Variants in PDE1C observed in about 807,000 individuals in gnomAD.
PDE1C encodes the protein dual specificity calcium/calmodulin-dependent 3',5'-cyclic nucleotide phosphodiesterase 1C.
In PDE1C, 62 loss-of-function variants were observed where a neutral mutation model predicts 93.1. That is an observed-to-expected ratio of 0.67 (90% confidence interval 0.54 to 0.82). The LOEUF (loss-of-function observed/expected upper bound fraction) is 0.82. PDE1C is among the 40% of genes least tolerant of loss of function. The pLI, the probability that PDE1C is intolerant of heterozygous loss-of-function variation, is 0.00. For missense variants in PDE1C, 742 were observed against 884.6 expected (o/e 0.84, Z 2.04); for synonymous variants, 325 against 310.1 (o/e 1.05, Z -0.50).
At chr7:32,019,850 A>T (rs1439101577) in intron 2 of PDE1C, among the ~76,000 whole-genome samples, 1 of 152,158 alleles carries the variant, frequency 6.6e-6, no homozygotes, top group Non-Finnish European at 1.5e-5. Context: ...AACCTGGAAT[A>T]AAAAGTTTTA....
chr7:32,204,453 G>C (rs1463182655), intron 2 of PDE1C, among the ~76,000 whole-genome samples: 1 of 152,192 alleles, frequency 6.6e-6, no homozygotes, highest in Non-Finnish European at 1.5e-5. Context: ...AGCCACAAGA[G>C]CTCTGTGGGC....
intron 1 of PDE1C, among the ~76,000 whole-genome samples, chr7:32,274,399 G>T (rs1318445332): frequency 2.1e-5 from 3 of 143,472 alleles, no homozygotes; most frequent in Non-Finnish European, 3.0e-5. Flanking sequence ...TTAAGAAATA[G>T]GTTCTCCATA....
intron 2 of PDE1C, among the ~76,000 whole-genome samples, chr7:31,994,041 T>C (rs1784439473): frequency 6.6e-6 from 1 of 152,134 alleles, no homozygotes; most frequent in African/African-American, 2.4e-5. Context: ...TGAATCAGTG[T>C]TGGAGTCTAA....
intron 2 of PDE1C, among the ~76,000 whole-genome samples, chr7:32,043,760 T>A (rs1253491609): frequency 1.3e-5 from 2 of 152,038 alleles, no homozygotes; most frequent in African/African-American, 2.4e-5. Context: ...AAAGGCAGAG[T>A]CAATGATTTA....
chr7:31,625,523 C>CA, the PDE1C span, among the ~76,000 whole-genome samples: 3 of 151,692 alleles, frequency 2.0e-5, no homozygotes, highest in Admixed American at 6.6e-5. Context: ...ATTGCAAGAA[C>CA]AAAAAACCAG....
At chr7:31,728,200 G>T in the PDE1C span, among the ~76,000 whole-genome samples, 2 of 152,210 alleles carry the variant, frequency 1.3e-5, no homozygotes, top group African/African-American at 4.8e-5. Context: ...TCAGGCCACT[G>T]CGGACAAGGA....
At chr7:32,341,482 T>A (rs576556091) in intron 1 of PDE1C, among the ~76,000 whole-genome samples, 26 of 152,042 alleles carry the variant, frequency 1.7e-4, no homozygotes, top group Non-Finnish European at 3.1e-4. Flanking sequence ...GCCTATTTTT[T>A]AAAAAATCAC....
intron 16 of PDE1C, among the ~76,000 whole-genome samples, chr7:31,776,238 C>A (rs1782952279): frequency 1.3e-5 from 2 of 152,186 alleles, no homozygotes; most frequent in Non-Finnish European, 2.9e-5. Context: ...AAGCAATGAA[C>A]TGGATCTCTC....
rs189065454 is a variant in PDE1C, at chr7:32,076,574, C to T, written c.308+93211G>A. Among the ~76,000 whole-genome samples the T allele has an allele frequency of 5.7e-3, 833 of 146,338 alleles. 9 individuals carry two copies. The highest frequency in any genetic ancestry group is 0.02 in the African/African-American group (796 of 39,526). On this transcript the variant is annotated intron_variant, in intron 3 of 18. Transcript: ENST00000396193. ...ACAAGAATTGCTTGAACCTGGGAGGCGGAGGTTGCAGTGAGCTGAGATCAC... is the reference window on the plus strand; with the variant it reads ...ACAAGAATTGCTTGAACCTGGGAGGTGGAGGTTGCAGTGAGCTGAGATCAC...
At chr7:31,920,789 C>A (rs574367559) in intron 2 of PDE1C, among the ~76,000 whole-genome samples, 4 of 152,278 alleles carry the variant, frequency 2.6e-5, no homozygotes, top group African/African-American at 9.6e-5. Flanking sequence ...ACAGCATGGC[C>A]TCTCCAGAAA....
At chr7:31,705,205 G>C in the PDE1C span, among the ~76,000 whole-genome samples, 14 of 152,192 alleles carry the variant, frequency 9.2e-5, no homozygotes, top group East Asian at 2.5e-3. Context: ...AGGAACTTTT[G>C]GGGAGTCAGC....
intron 1 of PDE1C, among the ~76,000 whole-genome samples, chr7:32,251,464 C>T (rs933097384): frequency 2.0e-5 from 3 of 152,146 alleles, no homozygotes; most frequent in African/African-American, 7.2e-5. Context: ...ATTCCATTAC[C>T]AAGTCCTGTC....
chr7:31,681,762 A>G, the PDE1C span, among the ~76,000 whole-genome samples: 1 of 152,200 alleles, frequency 6.6e-6, no homozygotes, highest in Non-Finnish European at 1.5e-5. Context: ...CCTCCCTTTT[A>G]GTTCTTGGAT....
intron 1 of PDE1C, chr7:32,427,779 G>T: frequency 6.6e-6 from 1 of 152,338 alleles, no homozygotes. Context: ...AAGTCTCCAG[G>T]CAGCAGCTCT....
intron 2 of PDE1C, among the ~76,000 whole-genome samples, chr7:32,186,789 T>G (rs2128817638): frequency 6.6e-6 from 1 of 152,256 alleles, no homozygotes; most frequent in South Asian, 2.1e-4. Context: ...TCATGGGAAT[T>G]TTTGTAACTA....
the PDE1C span, among the ~76,000 whole-genome samples, chr7:31,698,386 C>A: frequency 6.6e-6 from 1 of 152,140 alleles, no homozygotes; most frequent in African/African-American, 2.4e-5. Flanking sequence ...CTCTATCTAT[C>A]CCTTCGTCTT....
chr7:31,857,825 G>T (rs1359069403), intron 7 of PDE1C, among the ~76,000 whole-genome samples: 1 of 152,130 alleles, frequency 6.6e-6, no homozygotes, highest in Non-Finnish European at 1.5e-5. Context: ...TTTTTAAAAA[G>T]ACTTTTAAAG....
chr7:32,384,778 A>T (rs1011530442), intron 1 of PDE1C, among the ~76,000 whole-genome samples: 1 of 152,230 alleles, frequency 6.6e-6, no homozygotes, highest in African/African-American at 2.4e-5. Flanking sequence ...TTAAACTTTA[A>T]TGCACTCAGG....
chr7:31,689,111 C>A, the PDE1C span, among the ~76,000 whole-genome samples: 3 of 152,160 alleles, frequency 2.0e-5, no homozygotes, highest in Non-Finnish European at 4.4e-5. Flanking sequence ...GTCCTGATTT[C>A]CACAGCACGT....
Sources: allele counts gnomAD v4.1 joint callset (sites outside exome capture counted in the v4.1 genomes callset), GRCh38; gene constraint gnomAD v4.1.1; transcripts MANE v1.5; gene names NCBI Gene and HGNC (gene_info 2026-07-23, HGNC 2026-07-21).